CSMD3: variants seen among roughly 807,000 people sequenced by gnomAD.
CSMD3 encodes CUB and Sushi multiple domains 3.
In CSMD3, 177 loss-of-function variants were observed where a neutral mutation model predicts 435.2. The ratio of observed to expected loss-of-function variants is 0.41; its 90% CI spans 0.36 to 0.46. The LOEUF (loss-of-function observed/expected upper bound fraction) is 0.46, where lower values mean the gene tolerates loss of function less well. Among genes scored for constraint, CSMD3 ranks in the 20% least tolerant of loss-of-function variants. CSMD3 has a pLI of 0.34. For missense variants in CSMD3, 4,265 were observed against 4,504.6 expected, an observed-to-expected ratio of 0.95 and a Z score of 1.52; for synonymous variants, 1,656 against 1,520.5, an observed-to-expected ratio of 1.09 and a Z score of -2.07.
At chr8:112,459,355 G>A (rs1370274068) in intron 32 of CSMD3, among the ~76,000 whole-genome samples, 2 of 88,424 alleles carry the variant, frequency 2.3e-5, no homozygotes, top group African/African-American at 1.2e-4. Context: ...TTGTGTGTGT[G>A]TGTGGGGGGG....
intron 4 of CSMD3, among the ~76,000 whole-genome samples, chr8:113,172,825 A>G (rs1199186377): frequency 6.6e-6 from 1 of 152,160 alleles, no homozygotes; most frequent in Non-Finnish European, 1.5e-5. Flanking sequence ...CTTACTAAGG[A>G]AAAAAAGAAG....
chr8:112,389,337 GTATCATATCATTTCA>G (rs1830217978), intron 36 of CSMD3, among the ~76,000 whole-genome samples: 1 of 152,104 alleles, frequency 6.6e-6, no homozygotes, highest in African/African-American at 2.4e-5. Flanking sequence ...GATTCTAAAG[GTATCATATCATTTCA>G]GATCCTCTAT....
At chr8:112,290,498 A>G (rs1177123034) in intron 56 of CSMD3, among the ~76,000 whole-genome samples, 1 of 151,986 alleles carries the variant, frequency 6.6e-6, no homozygotes, top group Non-Finnish European at 1.5e-5. Context: ...CAAATAAGTC[A>G]AATGAATTTT....
intron 52 of CSMD3, 138 bp from the exon 53 acceptor site, chr8:112,302,104 G>T: frequency 1.5e-6 from 1 of 670,492 alleles, no homozygotes; most frequent in Non-Finnish European, 2.6e-6. Context: ...AAACATGTTT[G>T]AATGAGTGTG....
rs2131547959 is a variant in CSMD3 at position 113,098,963 on chromosome 8, G to C, written c.710C>G (p.Ala237Gly). The C allele has an allele frequency of 6.2e-7, 1 of 1,601,414 alleles. No homozygotes were observed. The highest frequency in any genetic ancestry group is 8.6e-7 in the Non-Finnish European group (1 of 1,168,922). ...CATTGTTCCTCCACAAGCATCTTCA[G>C]CTGTTAAAAATGACAAAATATTCAG... The part of the protein sequence containing the change: ...SWDFPVPICR[A>G]EDACGGTMRG... The change falls in exon 5 of 71, where the codon GCT (alanine) becomes GGT (glycine). Residue 237 changes from alanine (A) to glycine (G), a missense_variant and splice_region_variant. Ala to Gly is a moderately conservative substitution (Grantham distance 60). This residue lies in a region of CSMD3 where 731 missense variants were observed against 755.4 expected (regional missense o/e 0.97). Coordinates refer to ENST00000297405, the MANE Select transcript of CSMD3 (RefSeq NM_198123.2).
At chr8:112,976,556 A>C (rs1323930811) in intron 6 of CSMD3, among the ~76,000 whole-genome samples, 3 of 152,126 alleles carry the variant, frequency 2.0e-5, no homozygotes, top group Non-Finnish European at 2.9e-5. Context: ...AGTCTGCCAT[A>C]TCTCTTCACA....
At chr8:112,552,005 C>T (rs544406538) in intron 26 of CSMD3, among the ~76,000 whole-genome samples, 1 of 152,074 alleles carries the variant, frequency 6.6e-6, no homozygotes, top group African/African-American at 2.4e-5. Context: ...CTGTACTTAT[C>T]TAAGGGGTAG....
At chr8:112,792,498 C>T (rs966789431) in intron 13 of CSMD3, among the ~76,000 whole-genome samples, 2 of 152,134 alleles carry the variant, frequency 1.3e-5, no homozygotes, top group African/African-American at 4.8e-5. Context: ...TTCCCAAAGG[C>T]CTCATCTCTA....
chr8:113,342,286 A>G (rs1029200028), intron 1 of CSMD3, among the ~76,000 whole-genome samples: 1 of 152,126 alleles, frequency 6.6e-6, no homozygotes. Context: ...ATTGTTTCCT[A>G]TTGCTTCCTA....
intron 66 of CSMD3, among the ~76,000 whole-genome samples, chr8:112,238,785 AT>A (rs1813841635): frequency 6.6e-6 from 1 of 152,006 alleles, no homozygotes; most frequent in East Asian, 1.9e-4. Context: ...AATTATCATA[AT>A]TTTTTGCACT....
In CSMD3 at chr8:113,036,069, T is replaced by G. The variant is rs78774891; in HGVS notation, c.918-16890A>C. Among the ~76,000 whole-genome samples, 149 of 152,086 alleles carry G rather than the reference T, an allele frequency of 9.8e-4. 3 individuals are homozygous for G. The East Asian group carries it at 0.028, about 29-fold the overall frequency. On this transcript the variant is annotated intron_variant, in intron 5 of 70. Coordinates refer to ENST00000297405, the MANE Select transcript of CSMD3 (RefSeq NM_198123.2). ...CCAATGTTTTAAAAGAAAAACTAAT[T>G]ATAAATGAGCTAGCTACTTACTTTA...
intron 1 of CSMD3, among the ~76,000 whole-genome samples, chr8:113,324,368 G>A (rs2093969176): frequency 6.6e-6 from 1 of 152,130 alleles, no homozygotes; most frequent in Non-Finnish European, 1.5e-5. Flanking sequence ...TGGGCTGTGT[G>A]CAGCCTACGG....
chr8:112,600,879 G>A (rs953611591), intron 22 of CSMD3, among the ~76,000 whole-genome samples: 2 of 151,984 alleles, frequency 1.3e-5, no homozygotes, highest in South Asian at 2.1e-4. Context: ...GGGTTTCACC[G>A]TGTTAGCCAG....
intron 9 of CSMD3, among the ~76,000 whole-genome samples, chr8:112,934,367 G>A (rs2083211715): frequency 6.6e-6 from 1 of 152,100 alleles, no homozygotes; most frequent in South Asian, 2.1e-4. Context: ...AGCTTTTTGG[G>A]TTGCTGAATA....
intron 1 of CSMD3, among the ~76,000 whole-genome samples, chr8:113,321,040 G>A (rs977307660): frequency 1.3e-5 from 2 of 151,840 alleles, no homozygotes; most frequent in Non-Finnish European, 2.9e-5. Flanking sequence ...TAAACCCTGT[G>A]GATTTGATTC....
chr8:112,359,693 C>G (rs1301778614), intron 38 of CSMD3, among the ~76,000 whole-genome samples: 1 of 151,916 alleles, frequency 6.6e-6, no homozygotes, highest in African/African-American at 2.4e-5. Context: ...GAAAGTCAGG[C>G]AGTAAAGATC....
intron 3 of CSMD3, among the ~76,000 whole-genome samples, chr8:113,241,879 A>C (rs1479718984): frequency 6.6e-6 from 1 of 151,748 alleles, no homozygotes; most frequent in Non-Finnish European, 1.5e-5. Flanking sequence ...CTTTTTGTCC[A>C]TGATAGGTCC....
chr8:113,378,473 A>G (rs1348073492), intron 1 of CSMD3, among the ~76,000 whole-genome samples: 3 of 152,306 alleles, frequency 2.0e-5, no homozygotes, highest in South Asian at 2.1e-4. Flanking sequence ...AAAGAAAAGA[A>G]TAGTATTTAA....
At chr8:112,459,268 T>C (rs546260635) in intron 32 of CSMD3, among the ~76,000 whole-genome samples, 1 of 151,732 alleles carries the variant, frequency 6.6e-6, no homozygotes, top group East Asian at 1.9e-4. Context: ...CTGTTATCCT[T>C]TCTCATTATA....
Sources: gnomAD v4.1 joint callset for allele counts (sites outside exome capture counted in the v4.1 genomes callset) on GRCh38, gnomAD v4.1.1 for gene constraint, gnomAD v4.1.1 regional missense constraint, MANE v1.5 for transcripts, NCBI Gene and HGNC (gene_info 2026-07-23, HGNC 2026-07-21) for gene names.